Variants in TRHDE observed in about 807,000 individuals in gnomAD.
The protein encoded by TRHDE is thyrotropin releasing hormone degrading enzyme, also known as thyrotropin-releasing hormone-degrading ectoenzyme.
TRHDE carries 72 observed loss-of-function variants against 125.7 expected under a neutral mutation model. The ratio of observed to expected loss-of-function variants is 0.57; its 90% CI spans 0.47 to 0.70. The LOEUF is 0.70. TRHDE is among the 30% of genes least tolerant of loss of function. The pLI is 0.00. For missense variants in TRHDE, 1,110 were observed against 1,327.1 expected, an observed-to-expected ratio of 0.84 and a Z score of 2.54; for synonymous variants, 509 against 509.1, an observed-to-expected ratio of 1.00 and a Z score of 0.00.
chr12:72,612,006 A>C (rs1030003135), intron 12 of TRHDE, among the ~76,000 whole-genome samples: 18 of 152,204 alleles, frequency 1.2e-4, no homozygotes, highest in African/African-American at 4.1e-4. Flanking sequence ...CAGGCTTTTC[A>C]TGCTCTGGTT....
At chr12:72,261,391 A>T (rs1415239820) in intron 2 of TRHDE, among the ~76,000 whole-genome samples, 2 of 152,174 alleles carry the variant, frequency 1.3e-5, no homozygotes, top group Non-Finnish European at 2.9e-5. Context: ...CAGTCATAAC[A>T]AACTTTTCTG....
intron 3 of TRHDE, among the ~76,000 whole-genome samples, chr12:72,466,375 T>A (rs1443189421): frequency 6.6e-6 from 1 of 152,176 alleles, no homozygotes; most frequent in Non-Finnish European, 1.5e-5. Flanking sequence ...GGACTACAGC[T>A]TATGGAATTG....
intron 2 of TRHDE, among the ~76,000 whole-genome samples, chr12:72,211,148 G>C (rs1877772617): frequency 6.6e-6 from 1 of 152,068 alleles, no homozygotes; most frequent in Non-Finnish European, 1.5e-5. Flanking sequence ...ACAAAGCTTT[G>C]CTTGCCAGCC....
intron 2 of TRHDE, among the ~76,000 whole-genome samples, chr12:72,206,217 GCTGGGATTA>G (rs1279653805): frequency 3.3e-5 from 5 of 151,750 alleles, no homozygotes; most frequent in South Asian, 2.1e-4. Flanking sequence ...CTCCCAAGTA[GCTGGGATTA>G]CTGGGATTAC....
chr12:72,352,237 G>GAA (rs147186071), intron 2 of TRHDE, among the ~76,000 whole-genome samples: 4,998 of 144,166 alleles, frequency 0.035, 149 homozygotes, highest in Admixed American at 0.1. Flanking sequence ...TGTTGGGAGA[G>GAA]AAAAAAAAAA....
intron 1 of TRHDE, among the ~76,000 whole-genome samples, chr12:72,093,593 C>T (rs1395302847): frequency 2.0e-5 from 3 of 152,070 alleles, no homozygotes; most frequent in African/African-American, 7.2e-5. Context: ...TTCTTCAGAT[C>T]AATTCTGCTA....
At position 72,329,151 on chromosome 12, in the gene TRHDE, G is replaced by C. The variant is rs184052962; in HGVS notation, c.1188+42197G>C. 3.9e-5 allele frequency among the ~76,000 whole-genome samples: 6 copies of C among 152,200 alleles called. No homozygotes were observed. In the East Asian group the frequency reaches 1.2e-3, roughly 29 times the overall value. Reference sequence around the variant, plus strand: ...TCCCAGCTCACAGTTGGCTGGTTAGGGACAGATAAGAAAATCAGTGATTAT... The same window carrying C: ...TCCCAGCTCACAGTTGGCTGGTTAGCGACAGATAAGAAAATCAGTGATTAT... On this transcript the variant is annotated intron_variant, in intron 2 of 18. Transcript: ENST00000261180.
At chr12:72,652,518 T>C in intron 16 of TRHDE, 29 bp downstream of exon 16, 1 of 1,544,658 alleles carries the variant, frequency 6.5e-7, no homozygotes. Context: ...TAAATGTGTT[T>C]CTCTAATGAA....
rs58277850 is a variant in TRHDE at position 72,443,192 on chromosome 12, CTGTGTGTGTGTGTGTG to C, written c.1316-26542_1316-26527del. ...CCACACATACTTCGCTACTTCTTTC[CTGTGTGTGTGTGTGTG>C]TGTGTGTGTGTGTGTGTGTGTGTTT... On this transcript the variant is annotated intron_variant, in intron 3 of 18. Transcript: ENST00000261180. 5.5e-5 allele frequency among the ~76,000 whole-genome samples: 8 copies of C among 144,532 alleles called. 1 individual carries two copies. In the South Asian group the frequency reaches 1.6e-3, roughly 28 times the overall value. 94.8% of individuals were successfully genotyped at this position (144,532 alleles called of 152,430 possible). A position where few individuals can be genotyped will look rare whatever the true frequency, so the allele number is the denominator to read the frequency against.
chr12:72,543,549 G>C (rs982427377), intron 7 of TRHDE, among the ~76,000 whole-genome samples: 1 of 151,304 alleles, frequency 6.6e-6, no homozygotes, highest in Non-Finnish European at 1.5e-5. Context: ...CAGCTATCTG[G>C]AGGAATGTCC....
intron 6 of TRHDE, among the ~76,000 whole-genome samples, chr12:72,533,738 T>C (rs1868698770): frequency 1.5e-5 from 2 of 135,586 alleles, no homozygotes; most frequent in African/African-American, 5.9e-5. Context: ...TTTTTTTTTT[T>C]GCTTTTATGT....
intron 2 of TRHDE, among the ~76,000 whole-genome samples, chr12:72,364,882 C>G (rs890722222): frequency 6.6e-6 from 1 of 152,004 alleles, no homozygotes; most frequent in African/African-American, 2.4e-5. Context: ...TTTGATCAGG[C>G]GTAAAATAGA....
At chr12:72,471,748 T>C (rs1359506155) in intron 4 of TRHDE, among the ~76,000 whole-genome samples, 1 of 152,206 alleles carries the variant, frequency 6.6e-6, no homozygotes, top group Non-Finnish European at 1.5e-5. Context: ...GAGCTGTTTT[T>C]ATTTGTATTT....
intron 3 of TRHDE, among the ~76,000 whole-genome samples, chr12:72,381,523 G>A (rs1306340140): frequency 6.7e-6 from 1 of 149,836 alleles, no homozygotes; most frequent in African/African-American, 2.5e-5. Flanking sequence ...AGCCTCCCAA[G>A]TAGCTGGGAC....
intron 2 of TRHDE, among the ~76,000 whole-genome samples, chr12:72,251,172 A>T (rs1390252712): frequency 6.6e-6 from 1 of 151,940 alleles, no homozygotes; most frequent in Non-Finnish European, 1.5e-5. Flanking sequence ...GTGTGTATAT[A>T]TGTTTAATTC....
intron 1 of TRHDE, chr12:72,274,734 A>G (rs1879417134): frequency 6.6e-6 from 1 of 152,180 alleles, no homozygotes; most frequent in Non-Finnish European, 1.5e-5. Context: ...TAGACTTTTA[A>G]TTCTAACTTG....
At chr12:72,545,129 G>T (rs1380152381) in intron 7 of TRHDE, among the ~76,000 whole-genome samples, 1 of 151,336 alleles carries the variant, frequency 6.6e-6, no homozygotes, top group East Asian at 1.9e-4. Flanking sequence ...ATTGAAAGTG[G>T]AACTGGACTG....
chr12:72,358,948 T>A (rs1298494078), intron 2 of TRHDE, among the ~76,000 whole-genome samples: 1 of 151,504 alleles, frequency 6.6e-6, no homozygotes, highest in African/African-American at 2.4e-5. Flanking sequence ...TTGTCAAAAC[T>A]CTAACCACTG....
intron 2 of TRHDE, among the ~76,000 whole-genome samples, chr12:72,127,774 A>G (rs1031534304): frequency 6.6e-5 from 10 of 152,192 alleles, no homozygotes; most frequent in African/African-American, 2.2e-4. Flanking sequence ...TGCATCACAC[A>G]ATATACGTAC....
Sources: gnomAD v4.1 joint callset for allele counts (sites outside exome capture counted in the v4.1 genomes callset) on GRCh38, gnomAD v4.1.1 for gene constraint, MANE v1.5 for transcripts, NCBI Gene and HGNC (gene_info 2026-07-23, HGNC 2026-07-21) for gene names.